Variants in PRKCQ observed in about 807,000 individuals in gnomAD.
PRKCQ encodes the protein protein kinase C theta, also known as protein kinase C theta type.
Under a neutral mutation model 91.2 loss-of-function variants are expected in PRKCQ, and 41 were observed. The observed-to-expected ratio is 0.45, with a 90% CI of 0.35 to 0.58. The LOEUF (loss-of-function observed/expected upper bound fraction) is 0.58. Among genes scored for constraint, PRKCQ ranks in the 20% least tolerant of loss-of-function variants. PRKCQ has a pLI of 0.00. For missense variants in PRKCQ, 673 were observed against 896.5 expected, an observed-to-expected ratio of 0.75 and a Z score of 3.18; for synonymous variants, 307 against 316.9, an observed-to-expected ratio of 0.97 and a Z score of 0.33.
chr10:6,508,671 C>G (rs191916091), intron 3 of PRKCQ, among the ~76,000 whole-genome samples: 1 of 152,018 alleles, frequency 6.6e-6, no homozygotes, highest in Non-Finnish European at 1.5e-5. Flanking sequence ...AAGATGGAGG[C>G]AAAAATGGAG....
Position 6,464,209 on chromosome 10 carries a change from C to G in PRKCQ, c.1445+104G>C, listed in dbSNP as rs1240911026. On this transcript the variant is annotated intron_variant, in intron 13 of 17. Transcript: ENST00000263125. Reference sequence around the variant, plus strand: ...GCTCGATGTATTCCCAAGGGTTCACCTGGCCCTGGGATTCAGGCATGCCAA... The same window carrying G: ...GCTCGATGTATTCCCAAGGGTTCACGTGGCCCTGGGATTCAGGCATGCCAA... 3 of 961,870 alleles carry G rather than the reference C, an allele frequency of 3.1e-6. No homozygotes were observed. In the Admixed American group the frequency reaches 6.5e-5, roughly 21 times the overall value. The allele number at this position is 961,870 out of a possible 1,614,324, so 59.6% of individuals were successfully genotyped here.
intron 15 of PRKCQ, among the ~76,000 whole-genome samples, chr10:6,445,593 C>T (rs1212511699): frequency 2.0e-5 from 3 of 152,186 alleles, no homozygotes; most frequent in Non-Finnish European, 1.5e-5. Context: ...TAAATATCTG[C>T]TTTGATGATG....
In PRKCQ at chr10:6,485,291, A is replaced by G. The variant is rs775594337; in HGVS notation, c.901-22T>C. On this transcript the variant is annotated intron_variant, in intron 9 of 17. Coordinates refer to ENST00000263125, the MANE Select transcript of PRKCQ (RefSeq NM_006257.5). ...GAGCCTGGATGACAAACAGAGAGTC[A>G]GACCACCCACCCACCCACCATTGAT... The G allele has an allele frequency of 1.9e-6, 3 of 1,593,134 alleles. No homozygotes were observed. The South Asian group carries it at 3.3e-5, about 18-fold the overall frequency.
In PRKCQ at chr10:6,427,394, C is replaced by T. The variant is rs185738245; in HGVS notation, c.*813G>A. 1.3e-5 allele frequency: 2 copies of T among 152,280 alleles called. No individual in the cohort carries two copies. Among genetic ancestry groups the T allele is most frequent in the Non-Finnish European group, 2.9e-5 (2 of 68,038 alleles). 9.4% of individuals were successfully genotyped at this position (152,280 alleles called of 1,614,324 possible). A position where few individuals can be genotyped will look rare whatever the true frequency, so the allele number is the denominator to read the frequency against. ...GGGTTAAGGTTCTTTTCCCAGGAGACTTATGCACTTCATTTCTTTTCTTGT... is the reference window on the plus strand; with the variant it reads ...GGGTTAAGGTTCTTTTCCCAGGAGATTTATGCACTTCATTTCTTTTCTTGT... On this transcript the variant is annotated 3_prime_UTR_variant, in exon 18 of 18. Transcript: ENST00000263125.
chr10:6,551,194 CCT>C (rs1840168950), intron 1 of PRKCQ, among the ~76,000 whole-genome samples: 1 of 151,894 alleles, frequency 6.6e-6, no homozygotes, highest in African/African-American at 2.4e-5. Context: ...GTGTTGTTCC[CCT>C]CTTTGAGTCC....
rs118144943 is a variant in PRKCQ at position 6,514,992 on chromosome 10, C to T, written c.118+26G>A. The T allele has an allele frequency of 1.5e-4, 245 of 1,612,192 alleles. No individual in the cohort carries two copies. In the East Asian group the frequency reaches 4.4e-3, roughly 29 times the overall value. On this transcript the variant is annotated intron_variant, in intron 2 of 17. Coordinates refer to ENST00000263125, the MANE Select transcript of PRKCQ (RefSeq NM_006257.5). Reference sequence around the variant, plus strand: ...TAGCAGGATTCTCCTCCTCCTCCCCCGCTTTGAAAATCCCCTCAAGCTTAC... The same window carrying T: ...TAGCAGGATTCTCCTCCTCCTCCCCTGCTTTGAAAATCCCCTCAAGCTTAC...
At chr10:6,489,612 G>A (rs561540144) in intron 8 of PRKCQ, 2 of 395,242 alleles carry the variant, frequency 5.1e-6, no homozygotes, top group South Asian at 1.9e-5. Flanking sequence ...AGGAGGACGC[G>A]GGGGCATGCG....
upstream of PRKCQ, chr10:6,580,298 G>A (rs1276833308): frequency 6.8e-6 from 1 of 147,174 alleles, no homozygotes; most frequent in Non-Finnish European, 1.5e-5. Flanking sequence ...GGCGGGGCTG[G>A]CGGGGCTGGC....
Position 6,483,461 on chromosome 10 carries a change from C to T in PRKCQ, c.1158G>A (p.Leu386=), listed in dbSNP as rs573178021. The part of the protein sequence containing the change: ...KIEDFILHKM[L]GKGSFGKVFL... The stretch of plus-strand genomic sequence containing the variant: ...TTACCTTGCCAAAACTTCCTTTCCC[C>T]AACATTTTGTGCAAGATAAAATCCT... Residue 386 remains leucine (L), a synonymous_variant, in exon 11 of 18, where the codon TTG becomes TTA. Coordinates refer to ENST00000263125, the MANE Select transcript of PRKCQ (RefSeq NM_006257.5). The T allele has an allele frequency of 4.8e-5, 78 of 1,614,164 alleles. No homozygotes were observed. The South Asian group carries it at 8.6e-4, about 18-fold the overall frequency.
intron 1 of PRKCQ, among the ~76,000 whole-genome samples, chr10:6,540,147 A>C (rs184751854): frequency 4.7e-4 from 71 of 152,166 alleles, no homozygotes; most frequent in African/African-American, 1.7e-3. Context: ...CAGACACACA[A>C]AGTTTGTCAG....
intron 12 of PRKCQ, among the ~76,000 whole-genome samples, chr10:6,470,319 G>C (rs1835890437): frequency 6.6e-6 from 1 of 152,050 alleles, no homozygotes; most frequent in African/African-American, 2.4e-5. Flanking sequence ...CTTTGTAAAA[G>C]AGGGCTTTTC....
the PRKCQ span, among the ~76,000 whole-genome samples, chr10:6,421,200 G>A: frequency 6.6e-6 from 1 of 152,094 alleles, no homozygotes; most frequent in African/African-American, 2.4e-5. The surrounding 1 kb of genome is among the most constrained non-coding windows in gnomAD (Gnocchi z 4.1). Flanking sequence ...AATAATTGTT[G>A]TAGCCTGGGC....
Position 6,497,165 on chromosome 10 carries a change from AG to A in PRKCQ, c.575-46del, listed in dbSNP as rs751452055. On this transcript the variant is annotated intron_variant, in intron 6 of 17. Coordinates refer to ENST00000263125, the MANE Select transcript of PRKCQ (RefSeq NM_006257.5). This position sits in a 1 kb window ranked among gnomAD's most constrained non-coding sequence, Gnocchi z 4.5. ...CACAGCTTAAGATTTTCATAGCCTA[AG>A]GAATAACTAAATAAAAAGAATGATG... is the stretch of plus-strand genomic sequence containing the variant. The A allele has an allele frequency of 1.9e-6, 3 of 1,613,928 alleles. No individual in the cohort carries two copies. Among genetic ancestry groups the A allele is most frequent in the Middle Eastern group, 1.7e-4 (1 of 6,056 alleles).
chr10:6,467,786 C>T (rs894423597), intron 12 of PRKCQ, among the ~76,000 whole-genome samples: 1 of 152,190 alleles, frequency 6.6e-6, no homozygotes, highest in African/African-American at 2.4e-5. Flanking sequence ...ATGAGAGAGT[C>T]ACCATTACCT....
intron 8 of PRKCQ, 72 bp downstream of exon 8, chr10:6,491,611 G>C: frequency 1.3e-6 from 2 of 1,579,208 alleles, no homozygotes; most frequent in Non-Finnish European, 1.7e-6. Flanking sequence ...CCTCCCTCCA[G>C]TTCCCCAGAA....
chr10:6,565,884 A>C (rs1016128265), intron 1 of PRKCQ, among the ~76,000 whole-genome samples: 2 of 152,246 alleles, frequency 1.3e-5, no homozygotes, highest in African/African-American at 4.8e-5. Context: ...CTTCCTATGC[A>C]AGAGTTATTT....
chr10:6,461,108 C>T (rs866292318), intron 14 of PRKCQ, among the ~76,000 whole-genome samples: 18 of 100,602 alleles, frequency 1.8e-4, no homozygotes, highest in African/African-American at 5.8e-4. Context: ...TTTATCCATC[C>T]ATCCATCCAT....
rs1468614983 is a variant in PRKCQ at position 6,442,073 on chromosome 10, C to A, written c.1656G>T (p.Leu552=). The change falls in exon 16 of 18, where the codon CTG becomes CTT. Residue 552 remains leucine (L), a synonymous_variant. Transcript: ENST00000263125. ...TPDYIAPEIL[L]GQKYNHSVDW... ...CCACAGAGTGGTTGTATTTCTGACC[C>A]AGCAAGATCTGCACAACCAAAAGGC... is the stretch of plus-strand genomic sequence containing the variant. 1 of 1,611,186 alleles carries A rather than the reference C, an allele frequency of 6.2e-7. No individual in the cohort carries two copies. Among genetic ancestry groups the A allele is most frequent in the South Asian group, 1.1e-5 (1 of 90,998 alleles).
chr10:6,446,552 G>A (rs924109218), intron 15 of PRKCQ, among the ~76,000 whole-genome samples: 10 of 151,902 alleles, frequency 6.6e-5, no homozygotes, highest in African/African-American at 2.2e-4. Context: ...TTTTAGTAGA[G>A]ACGGGGTTTC....
Sources: allele counts gnomAD v4.1 joint callset (sites outside exome capture counted in the v4.1 genomes callset), GRCh38; gene constraint gnomAD v4.1.1; non-coding constraint Gnocchi (gnomAD v3.1); transcripts MANE v1.5; gene names NCBI Gene and HGNC (gene_info 2026-07-23, HGNC 2026-07-21).